Variants in LIN28B observed in about 807,000 individuals in gnomAD.
The protein encoded by LIN28B is protein lin-28 homolog B.
A neutral mutation model predicts 21.9 loss-of-function variants in LIN28B; 5 were observed. The observed-to-expected ratio is 0.23, with a 90% CI of 0.12 to 0.48. LIN28B has a LOEUF of 0.48. LIN28B is among the 20% of genes least tolerant of loss of function. The pLI is 0.98. For synonymous variants in LIN28B, 109 were observed against 111.3 expected, an observed-to-expected ratio of 0.98 and a Z score of 0.13; for missense variants, 245 against 310.5, an observed-to-expected ratio of 0.79 and a Z score of 1.58.
chr6:104,946,506 C>A (rs1395486839), intron 2 of LIN28B, among the ~76,000 whole-genome samples: 3 of 152,122 alleles, frequency 2.0e-5, no homozygotes, highest in Non-Finnish European at 4.4e-5. Flanking sequence ...GAAACACTTT[C>A]ATAAAGCACC....
chr6:105,017,784 G>A (rs1771058561), intron 2 of LIN28B, among the ~76,000 whole-genome samples: 1 of 152,032 alleles, frequency 6.6e-6, no homozygotes, highest in Non-Finnish European at 1.5e-5. Flanking sequence ...ACTAACTATT[G>A]GGTAATATGC....
Position 104,958,286 on chromosome 6 carries a change from A to G in LIN28B, c.198A>G (p.Gln66=). The G allele has an allele frequency of 6.5e-7, 1 of 1,541,694 alleles. No homozygotes were observed. Among genetic ancestry groups the G allele is most frequent in the Non-Finnish European group, 8.8e-7 (1 of 1,130,476 alleles). The change falls in exon 2 of 4, where the codon CAA becomes CAG. Residue 66 remains glutamine (Q), a splice_region_variant and synonymous_variant. Transcript: ENST00000345080. Reference sequence around the variant, plus strand: ...TTCCAGTCGATGTATTTGTACACCAAGTAAGCCAAACTTTTTTGTCCCCCT... The same window carrying G: ...TTCCAGTCGATGTATTTGTACACCAGGTAAGCCAAACTTTTTTGTCCCCCT... ...LDIPVDVFVH[Q]SKLFMEGFRS...
upstream of LIN28B, among the ~76,000 whole-genome samples, chr6:104,952,632 A>G (rs1223637638): frequency 2.0e-5 from 3 of 152,356 alleles, no homozygotes; most frequent in East Asian, 1.9e-4. Context: ...TTGCTGAAAC[A>G]TAACTGACCA....
Position 105,050,156 on chromosome 6 carries a change from T to A in LIN28B, c.383+23674T>A, listed in dbSNP as rs1346760248. On this transcript the variant is annotated intron_variant, in intron 3 of 3. Coordinates refer to ENST00000345080, the MANE Select transcript of LIN28B (RefSeq NM_001004317.4). ...GGCTGGTACTGGTTGTTCCTTTCCA[T>A]GTTTAGTGCTTCCTTCAGGAGCTCT... 2.6e-5 allele frequency among the ~76,000 whole-genome samples: 4 copies of A among 152,340 alleles called. No homozygotes were observed. The East Asian group carries it at 5.8e-4, about 22-fold the overall frequency.
At chr6:105,020,780 T>G (rs1490365672) in intron 2 of LIN28B, among the ~76,000 whole-genome samples, 5 of 135,812 alleles carry the variant, frequency 3.7e-5, no homozygotes, top group Non-Finnish European at 7.7e-5. Flanking sequence ...TGAGACGAAG[T>G]CTCGCTCTGT....
intron 1 of LIN28B, 36 bp downstream of exon 1, chr6:104,957,296 C>A: frequency 6.6e-7 from 1 of 1,512,048 alleles, no homozygotes; most frequent in Non-Finnish European, 9.2e-7. Context: ...CTGTGAATTT[C>A]TTTCTTCTTT....
At position 104,997,682 on chromosome 6, in the gene LIN28B, A is replaced by G. The variant is rs1324897501; in HGVS notation, c.199-28616A>G. 5.3e-5 allele frequency among the ~76,000 whole-genome samples: 8 copies of G among 152,328 alleles called. 1 individual carries two copies. In the South Asian group the frequency reaches 1.7e-3, roughly 32 times the overall value. On this transcript the variant is annotated intron_variant, in intron 2 of 3. Transcript: ENST00000345080. ...GATGATGATAGAGAATAATGATGGT[A>G]GAATTTCTAATGGTAAGAAGCTCAT... is the stretch of plus-strand genomic sequence containing the variant.
intron 2 of LIN28B, among the ~76,000 whole-genome samples, chr6:104,976,353 T>G (rs1770093093): frequency 6.6e-6 from 1 of 152,140 alleles, no homozygotes; most frequent in Non-Finnish European, 1.5e-5. Context: ...GCAGTAGATT[T>G]GTGATGAAGA....
chr6:105,037,132 T>C (rs1028098254), intron 3 of LIN28B, among the ~76,000 whole-genome samples: 2 of 152,190 alleles, frequency 1.3e-5, no homozygotes, highest in African/African-American at 4.8e-5. Context: ...GAGTAAGAGC[T>C]GATCAAGATG....
chr6:105,065,009 G>A (rs1772194715), intron 3 of LIN28B, among the ~76,000 whole-genome samples: 1 of 152,188 alleles, frequency 6.6e-6, no homozygotes, highest in African/African-American at 2.4e-5. Context: ...AAGAGTATTT[G>A]GACTTGTATA....
chr6:104,939,708 CT>C lies in LIN28B; in HGVS notation c.18+2596del, dbSNP rs1293593849. ...GTGTTTTCATTTGAAAAGTTTTCCA[CT>C]TTTAATTTGATTTCCTATATTTTAA... On this transcript the variant is annotated intron_variant, in intron 2 of 5. Transcript: ENST00000635857. 3.9e-5 allele frequency among the ~76,000 whole-genome samples: 6 copies of C among 152,282 alleles called. No homozygotes were observed. In the East Asian group the frequency reaches 9.6e-4, roughly 24 times the overall value.
chr6:104,953,970 A>G (rs1188149605), upstream of LIN28B, among the ~76,000 whole-genome samples: 4 of 152,216 alleles, frequency 2.6e-5, no homozygotes, highest in Admixed American at 2.0e-4. Flanking sequence ...CTGTTGGAAA[A>G]AAAGTCTGGG....
intron 2 of LIN28B, among the ~76,000 whole-genome samples, chr6:104,959,814 A>G (rs1769692882): frequency 6.6e-6 from 1 of 152,122 alleles, no homozygotes. Flanking sequence ...AGGTTGTTAA[A>G]TTGTTTTTTA....
intron 2 of LIN28B, among the ~76,000 whole-genome samples, chr6:104,939,831 T>C (rs980291371): frequency 1.3e-4 from 20 of 152,204 alleles, no homozygotes; most frequent in African/African-American, 4.3e-4. Context: ...ATTTTTTAGC[T>C]GGTCAGATAA....
At chr6:105,008,639 A>G (rs1383403088) in intron 2 of LIN28B, among the ~76,000 whole-genome samples, 1 of 150,638 alleles carries the variant, frequency 6.6e-6, no homozygotes, top group African/African-American at 2.4e-5. Flanking sequence ...ACGAGACTAC[A>G]TCTCAAAAAA....
At chr6:105,033,652 A>G (rs1243443643) in intron 3 of LIN28B, among the ~76,000 whole-genome samples, 1 of 151,968 alleles carries the variant, frequency 6.6e-6, no homozygotes, top group African/African-American at 2.4e-5. Context: ...AGTTCATTAC[A>G]AAAAGAGTAA....
chr6:105,083,084 T>C lies in LIN28B; in HGVS notation c.*4301T>C, dbSNP rs990952260. On this transcript the variant is annotated 3_prime_UTR_variant, in exon 4 of 4. Coordinates refer to ENST00000345080, the MANE Select transcript of LIN28B (RefSeq NM_001004317.4). Reference sequence around the variant, plus strand: ...TTACCTCATTGTCCATTTTGACTCATGTTGTTTACAAGTGAAAATAAAAAC... The same window carrying C: ...TTACCTCATTGTCCATTTTGACTCACGTTGTTTACAAGTGAAAATAAAAAC... 1.3e-5 allele frequency: 2 copies of C among 152,566 alleles called. No homozygotes were observed. The highest frequency in any genetic ancestry group is 4.8e-5 in the African/African-American group (2 of 41,470). 9.5% of individuals were successfully genotyped at this position (152,566 alleles called of 1,614,324 possible).
intron 2 of LIN28B, among the ~76,000 whole-genome samples, chr6:104,965,589 A>G (rs1320819320): frequency 2.6e-5 from 4 of 152,172 alleles, no homozygotes; most frequent in African/African-American, 9.7e-5. Context: ...TGGCAGGATC[A>G]TAGCTTACTG....
chr6:104,982,497 A>T (rs902321414), intron 2 of LIN28B, among the ~76,000 whole-genome samples: 1 of 152,200 alleles, frequency 6.6e-6, no homozygotes, highest in African/African-American at 2.4e-5. Context: ...ATTCTTGGCT[A>T]TACAAAATTC....
Sources: allele counts gnomAD v4.1 joint callset (sites outside exome capture counted in the v4.1 genomes callset), GRCh38; gene constraint gnomAD v4.1.1; transcripts MANE v1.5; gene names NCBI Gene and HGNC (gene_info 2026-07-23, HGNC 2026-07-21).